PLEKHH2: variants seen among roughly 807,000 people sequenced by gnomAD.
PLEKHH2 encodes the protein pleckstrin homology, MyTH4 and FERM domain containing H2.
A neutral mutation model predicts 187.9 loss-of-function variants in PLEKHH2; 129 were observed. The observed-to-expected ratio is 0.69, with a 90% CI of 0.59 to 0.79. The LOEUF (loss-of-function observed/expected upper bound fraction) is 0.79. PLEKHH2 is among the 30% of genes least tolerant of loss of function. The pLI is 0.00. For missense variants in PLEKHH2, 2,076 were observed against 1,751.2 expected (o/e 1.19, Z -3.31); for synonymous variants, 686 against 605.6 (o/e 1.13, Z -1.95).
At chr2:43,764,836 A>C (rs1672562250) in intron 29 of PLEKHH2, among the ~76,000 whole-genome samples, 1 of 152,244 alleles carries the variant, frequency 6.6e-6, no homozygotes, top group Non-Finnish European at 1.5e-5. Flanking sequence ...GTGTAGTTTT[A>C]ACATCTCTAA....
At chr2:43,656,572 A>G (rs17335701) in intron 2 of PLEKHH2, among the ~76,000 whole-genome samples, 26,974 of 152,136 alleles carry the variant, frequency 0.18, 2,499 homozygotes, top group Middle Eastern at 0.29. Context: ...TCTACACATA[A>G]CAGGCTAACC....
intron 9 of PLEKHH2, 148 bp from the exon 10 acceptor site, chr2:43,706,174 A>G: frequency 1.5e-6 from 1 of 656,014 alleles, no homozygotes. Context: ...AAATGCCATA[A>G]TCTGTAAAGT....
rs746632909 is a variant in PLEKHH2 at position 43,742,825 on chromosome 2, A to C, written c.3306A>C (p.Ser1102=). The change falls in exon 22 of 30, where the codon TCA becomes TCC. Residue 1102 remains serine, a synonymous_variant. Transcript: ENST00000282406. ...QQNGDREARP[S]RMEILSTLLR... ...ATGGTGACAGAGAAGCAAGACCCTC[A>C]AGGATGGAAATTCTTTCAACTCTTC... The C allele has an allele frequency of 4.5e-5, 72 of 1,608,498 alleles. No individual in the cohort carries two copies. The highest frequency in any genetic ancestry group is 5.9e-5 in the Non-Finnish European group (70 of 1,177,904).
At chr2:43,666,140 G>C (rs1019491282) in intron 2 of PLEKHH2, among the ~76,000 whole-genome samples, 2 of 149,860 alleles carry the variant, frequency 1.3e-5, no homozygotes, top group African/African-American at 2.5e-5. Context: ...CGTGGGCGTA[G>C]GACCCTCCAA....
intron 4 of PLEKHH2, among the ~76,000 whole-genome samples, 192 bp from the exon 5 acceptor site, chr2:43,694,239 C>G (rs1284755438): frequency 6.6e-6 from 1 of 152,160 alleles, no homozygotes; most frequent in Non-Finnish European, 1.5e-5. Flanking sequence ...GTAATACATG[C>G]ATGTGGCTTT....
chr2:43,750,782 G>A (rs73923866), intron 24 of PLEKHH2, among the ~76,000 whole-genome samples: 16,890 of 152,158 alleles, frequency 0.11, 1,345 homozygotes, highest in African/African-American at 0.21. Context: ...CAATTCTCAC[G>A]TACCATTTAT....
At chr2:43,760,590 T>C (rs1312988699) in intron 27 of PLEKHH2, among the ~76,000 whole-genome samples, 1 of 152,146 alleles carries the variant, frequency 6.6e-6, no homozygotes, top group African/African-American at 2.4e-5. Context: ...CTCGAACTCC[T>C]GATCTGAAGT....
chr2:43,746,698 C>T (rs1467631983), intron 24 of PLEKHH2, among the ~76,000 whole-genome samples: 10 of 152,130 alleles, frequency 6.6e-5, no homozygotes, highest in Admixed American at 5.2e-4. Context: ...TACTACAGAT[C>T]TGTAGTAAGA....
At chr2:43,734,177 TAC>T (rs1201628206) in intron 19 of PLEKHH2, among the ~76,000 whole-genome samples, 2 of 152,234 alleles carry the variant, frequency 1.3e-5, no homozygotes, top group Non-Finnish European at 2.9e-5. Context: ...CTTTCAGATC[TAC>T]AGTCATCAAC....
intron 10 of PLEKHH2, among the ~76,000 whole-genome samples, chr2:43,706,901 T>A (rs1036857547): frequency 1.3e-5 from 2 of 152,142 alleles, no homozygotes; most frequent in African/African-American, 4.8e-5. Context: ...AAATTCCTTT[T>A]AAAAATCATA....
chr2:43,716,329 G>T (rs1220140722), intron 15 of PLEKHH2, among the ~76,000 whole-genome samples: 2 of 152,152 alleles, frequency 1.3e-5, no homozygotes, highest in East Asian at 1.9e-4. Flanking sequence ...GTGCAGAAAA[G>T]TATCTTAAGT....
intron 25 of PLEKHH2, among the ~76,000 whole-genome samples, chr2:43,756,775 C>T (rs1032823920): frequency 4.6e-5 from 7 of 152,104 alleles, no homozygotes; most frequent in African/African-American, 1.7e-4. Flanking sequence ...TGGTGAAACC[C>T]CCGTCTCTAC....
intron 24 of PLEKHH2, among the ~76,000 whole-genome samples, chr2:43,748,065 A>G (rs1369609738): frequency 6.6e-6 from 1 of 152,212 alleles, no homozygotes; most frequent in Non-Finnish European, 1.5e-5. Context: ...TTAAATAAAT[A>G]TGGCACATTC....
At chr2:43,758,823 T>G in intron 26 of PLEKHH2, 77 bp from the exon 27 acceptor site, 2 of 1,302,428 alleles carry the variant, frequency 1.5e-6, no homozygotes, top group South Asian at 1.7e-5. Context: ...TCAAGGAGAG[T>G]TTTATCTTAA....
chr2:43,731,008 G>A (rs1671009354), intron 18 of PLEKHH2, among the ~76,000 whole-genome samples: 1 of 152,126 alleles, frequency 6.6e-6, no homozygotes, highest in Non-Finnish European at 1.5e-5. Flanking sequence ...TTGCAGCCTA[G>A]TAAATTAGGA....
chr2:43,709,523 T>C (rs1267325235), intron 11 of PLEKHH2, among the ~76,000 whole-genome samples: 2 of 152,228 alleles, frequency 1.3e-5, no homozygotes, highest in Admixed American at 1.3e-4. Flanking sequence ...CCTGTTCCTT[T>C]CACTTCCTTA....
chr2:43,721,558 TG>T lies in PLEKHH2; in HGVS notation c.2541+813del, dbSNP rs1014147818. On this transcript the variant is annotated intron_variant, in intron 16 of 29. Coordinates refer to ENST00000282406, the MANE Select transcript of PLEKHH2 (RefSeq NM_172069.4). ...ATGCCGTTATACTCAGTGTTGCTAA[TG>T]GGGTAGAGATTAACGCAGTACAGCC... Among the ~76,000 whole-genome samples, 42 of 152,270 alleles carry T rather than the reference TG, an allele frequency of 2.8e-4. 2 individuals are homozygous for T. The Middle Eastern group carries it at 0.02, about 74-fold the overall frequency.
chr2:43,735,050 C>T (rs182045917), intron 19 of PLEKHH2, among the ~76,000 whole-genome samples: 256 of 151,954 alleles, frequency 1.7e-3, no homozygotes, highest in South Asian at 0.017. Context: ...ATTAACTGGG[C>T]GTAGTGGTGC....
chr2:43,743,780 A>C, intron 22 of PLEKHH2, 54 bp from the exon 23 acceptor site: 1 of 1,464,046 alleles, frequency 6.8e-7, no homozygotes, highest in Non-Finnish European at 9.3e-7. Context: ...TTAAAATCTC[A>C]GTTTGAAACT....
Sources: gnomAD v4.1 joint callset for allele counts (sites outside exome capture counted in the v4.1 genomes callset) on GRCh38, gnomAD v4.1.1 for gene constraint, MANE v1.5 for transcripts, NCBI Gene and HGNC (gene_info 2026-07-23, HGNC 2026-07-21) for gene names.